Variants in PIK3C3 observed in about 807,000 individuals in gnomAD.
PIK3C3 encodes PI3-kinase type 3.
A neutral mutation model predicts 126.1 loss-of-function variants in PIK3C3; 95 were observed. That is an observed-to-expected ratio of 0.75 (90% CI 0.64 to 0.89). The LOEUF is 0.89. Ranked by LOEUF, PIK3C3 falls within the 40% of genes least tolerant of loss-of-function variation. PIK3C3 has a pLI of 0.00. For missense variants in PIK3C3, 829 were observed against 1,063.2 expected (o/e 0.78, Z 3.06); for synonymous variants, 374 against 360.0 (o/e 1.04, Z -0.44).
intron 3 of PIK3C3, 85 bp downstream of exon 3, chr18:41,962,717 T>G (rs1423918053): frequency 4.5e-6 from 6 of 1,324,904 alleles, no homozygotes; most frequent in Non-Finnish European, 6.2e-6. Context: ...GCTTTAATAG[T>G]TTATGCTCAG....
chr18:42,032,988 A>G (rs570362583), intron 15 of PIK3C3, among the ~76,000 whole-genome samples: 207 of 152,262 alleles, frequency 1.4e-3, no homozygotes, highest in African/African-American at 4.4e-3. Context: ...CCAGCAGCAC[A>G]AAGCACTTCA....
intron 11 of PIK3C3, among the ~76,000 whole-genome samples, chr18:42,013,994 ATTAC>A (rs1204005922): frequency 6.6e-6 from 1 of 152,138 alleles, no homozygotes; most frequent in Admixed American, 6.6e-5. Context: ...CTTAGCTACT[ATTAC>A]TTATTTATGT....
Position 41,996,682 on chromosome 18 carries a change from A to G in PIK3C3, c.936A>G (p.Glu312=). 6.3e-7 allele frequency: 1 copy of G among 1,576,378 alleles called. No individual in the cohort carries two copies. The highest frequency in any genetic ancestry group is 1.2e-5 in the South Asian group (1 of 84,606). Residue 312 remains glutamate, a synonymous_variant, in exon 9 of 25, where the codon GAA becomes GAG. Transcript: ENST00000262039. ...YPPTKQLTYE[E]QDLVWKFRYY... ...CAACCAAGCAACTTACATATGAAGA[A>G]CAAGATCTTGTTTGGAAGTTTAGAT... is the stretch of plus-strand genomic sequence containing the variant.
chr18:42,029,577 C>T (rs1373583908), intron 15 of PIK3C3, 136 bp downstream of exon 15: 2 of 492,782 alleles, frequency 4.1e-6, no homozygotes, highest in Admixed American at 7.3e-5. Flanking sequence ...ATGTCTCACT[C>T]TGTCGCCCAG....
At chr18:41,982,210 T>C (rs570547090) in intron 4 of PIK3C3, among the ~76,000 whole-genome samples, 7 of 152,268 alleles carry the variant, frequency 4.6e-5, no homozygotes, top group African/African-American at 1.7e-4. Context: ...TGAGGGAGTT[T>C]AGAGGAATGA....
chr18:42,067,593 C>T (rs1376369409), intron 24 of PIK3C3, 80 bp downstream of exon 24: 9 of 1,447,162 alleles, frequency 6.2e-6, no homozygotes, highest in Non-Finnish European at 6.6e-6. Flanking sequence ...ATGCATTTCT[C>T]CTGCCAGTTG....
At chr18:42,058,303 A>G (rs1985163414) in intron 22 of PIK3C3, among the ~76,000 whole-genome samples, 1 of 152,196 alleles carries the variant, frequency 6.6e-6, no homozygotes, top group African/African-American at 2.4e-5. Context: ...CTGGCATCAC[A>G]TAAGATGAAG....
chr18:41,975,573 G>A (rs930750529), intron 4 of PIK3C3, among the ~76,000 whole-genome samples: 2 of 151,990 alleles, frequency 1.3e-5, no homozygotes, highest in African/African-American at 2.4e-5. Flanking sequence ...CTAGGACACC[G>A]TATTTCAAGA....
chr18:42,005,713 A>AT (rs1259994196), intron 10 of PIK3C3, among the ~76,000 whole-genome samples: 1 of 152,024 alleles, frequency 6.6e-6, no homozygotes, highest in African/African-American at 2.4e-5. Flanking sequence ...CAGTGAGATC[A>AT]TTTTGAATTA....
chr18:42,074,247 G>A (rs1229478401), intron 24 of PIK3C3, among the ~76,000 whole-genome samples: 4 of 152,076 alleles, frequency 2.6e-5, no homozygotes, highest in African/African-American at 9.7e-5. Flanking sequence ...TGATACATTA[G>A]CAAAGCTAGT....
intron 13 of PIK3C3, among the ~76,000 whole-genome samples, chr18:42,022,829 T>C (rs1480662443): frequency 1.3e-5 from 2 of 152,216 alleles, no homozygotes; most frequent in African/African-American, 4.8e-5. Context: ...AAGGTTTACT[T>C]AGAAATTCTC....
At chr18:42,037,629 G>A in intron 16 of PIK3C3, 63 bp from the exon 17 acceptor site, 1 of 1,435,076 alleles carries the variant, frequency 7.0e-7, no homozygotes, top group South Asian at 1.2e-5. Context: ...TTTCTTGTAT[G>A]TATAGTACAA....
At chr18:42,050,564 AGTT>A (rs1168707429) in intron 21 of PIK3C3, 1 of 152,196 alleles carries the variant, frequency 6.6e-6, no homozygotes, top group Non-Finnish European at 1.5e-5. Flanking sequence ...TCACCTACCC[AGTT>A]GTTCAAGCTC....
intron 5 of PIK3C3, among the ~76,000 whole-genome samples, chr18:41,989,505 G>C (rs1019804876): frequency 1.3e-5 from 2 of 152,118 alleles, no homozygotes; most frequent in Admixed American, 1.3e-4. Context: ...GTCAACTGCA[G>C]ATCACATGTA....
intron 24 of PIK3C3, among the ~76,000 whole-genome samples, chr18:42,070,787 T>C (rs1985741537): frequency 6.6e-6 from 1 of 152,202 alleles, no homozygotes; most frequent in South Asian, 2.1e-4. Context: ...GATGGTTACA[T>C]TGTGAAAGTT....
At chr18:42,047,079 GA>G (rs1184408946) in intron 20 of PIK3C3, among the ~76,000 whole-genome samples, 1 of 152,136 alleles carries the variant, frequency 6.6e-6, no homozygotes, top group Non-Finnish European at 1.5e-5. Context: ...CCAGTTACAT[GA>G]AAATTTTAGG....
At chr18:41,957,468 A>G (rs1979839413) in intron 1 of PIK3C3, 102 bp from the exon 2 acceptor site, 1 of 1,137,038 alleles carries the variant, frequency 8.8e-7, no homozygotes, top group Non-Finnish European at 1.2e-6. Flanking sequence ...TTATGCATAT[A>G]TGTACATGCT....
At chr18:42,025,766 C>T (rs1983538084) in intron 13 of PIK3C3, 1 of 151,994 alleles carries the variant, frequency 6.6e-6, no homozygotes, top group South Asian at 2.1e-4. Flanking sequence ...CAAGATTAGA[C>T]CTTAGATGTA....
intron 10 of PIK3C3, among the ~76,000 whole-genome samples, chr18:42,010,216 A>G (rs910637280): frequency 2.6e-5 from 4 of 151,824 alleles, no homozygotes. Flanking sequence ...TCAAGAAACT[A>G]CTCTTTGCTG....
Sources: gnomAD v4.1 joint callset for allele counts (sites outside exome capture counted in the v4.1 genomes callset) on GRCh38, gnomAD v4.1.1 for gene constraint, MANE v1.5 for transcripts, NCBI Gene and HGNC (gene_info 2026-07-23, HGNC 2026-07-21) for gene names.